The following KDM4C variants were observed in gnomAD, a reference collection of about 807,000 sequenced individuals.
KDM4C encodes lysine demethylase 4C, also known as lysine-specific demethylase 4C.
A neutral mutation model predicts 129.3 loss-of-function variants in KDM4C; 81 were observed. That is an observed-to-expected ratio of 0.63 (90% CI 0.52 to 0.75). KDM4C has a LOEUF of 0.75. KDM4C is among the 30% of genes least tolerant of loss of function. The pLI is 0.00. For synonymous variants in KDM4C, 573 were observed against 456.1 expected, an observed-to-expected ratio of 1.26 and a Z score of -3.26; for missense variants, 1,457 against 1,304.0, an observed-to-expected ratio of 1.12 and a Z score of -1.81.
chr9:6,788,777 T>C (rs1825961064), intron 1 of KDM4C, among the ~76,000 whole-genome samples: 1 of 152,114 alleles, frequency 6.6e-6, no homozygotes, highest in Admixed American at 6.6e-5. Flanking sequence ...ACTGCTATAA[T>C]GAACGCAGAG....
At chr9:6,991,147 C>G (rs925978774) in intron 12 of KDM4C, among the ~76,000 whole-genome samples, 2 of 152,054 alleles carry the variant, frequency 1.3e-5, no homozygotes, top group African/African-American at 4.8e-5. Context: ...AGGGTGATCA[C>G]GGCTCACTGC....
intron 15 of KDM4C, 137 bp downstream of exon 15, chr9:7,016,066 C>G (rs982534146): frequency 1.9e-6 from 1 of 514,292 alleles, no homozygotes; most frequent in African/African-American, 1.9e-5. Context: ...TTCTAGTCTT[C>G]CCTCTCAAAA....
chr9:7,147,284 T>G (rs922010336), intron 19 of KDM4C, among the ~76,000 whole-genome samples: 3 of 152,196 alleles, frequency 2.0e-5, no homozygotes, highest in Non-Finnish European at 2.9e-5. Context: ...TAGGTCAAGC[T>G]GTGCTCCCAG....
chr9:6,836,158 A>G (rs1353218317), intron 4 of KDM4C, among the ~76,000 whole-genome samples: 1 of 152,094 alleles, frequency 6.6e-6, no homozygotes, highest in Non-Finnish European at 1.5e-5. Flanking sequence ...AAAGTGCACA[A>G]CTTAAAAAAA....
chr9:7,122,696 G>T, intron 18 of KDM4C, among the ~76,000 whole-genome samples: 1 of 152,164 alleles, frequency 6.6e-6, no homozygotes, highest in African/African-American at 2.4e-5. Flanking sequence ...TGTCTGTAAC[G>T]TTTTTTTACT....
rs370646653 is a variant in KDM4C, at chr9:6,760,542, T to TTTTATTTA, written c.-18+2375_-18+2382dup. The stretch of plus-strand genomic sequence containing the variant: ...ATAGTTAGTCTTGGGTGATACTCTT[T>TTTTATTTA]TTTATTTATTTATTTATTTATTTAT... On this transcript the variant is annotated intron_variant, in intron 1 of 21. Coordinates refer to ENST00000381309, the MANE Select transcript of KDM4C (RefSeq NM_015061.6). Among the ~76,000 whole-genome samples the TTTTATTTA allele has an allele frequency of 6.1e-3, 878 of 143,926 alleles. 7 individuals carry two copies. The highest frequency in any genetic ancestry group is 0.029 in the Middle Eastern group (8 of 274). 94.4% of individuals were successfully genotyped at this position (143,926 alleles called of 152,430 possible). A position where few individuals can be genotyped will look rare whatever the true frequency, so the allele number is the denominator to read the frequency against.
chr9:6,774,182 C>G (rs1822516576), intron 1 of KDM4C, among the ~76,000 whole-genome samples: 1 of 152,080 alleles, frequency 6.6e-6, no homozygotes, highest in Admixed American at 6.6e-5. Context: ...GCCACCGTGC[C>G]TGGCCACCCT....
At chr9:6,968,313 C>T (rs1277842525) in intron 8 of KDM4C, among the ~76,000 whole-genome samples, 1 of 152,078 alleles carries the variant, frequency 6.6e-6, no homozygotes, top group South Asian at 2.1e-4. Flanking sequence ...CCTGTCTCTA[C>T]AAAAGTTATT....
At chr9:6,822,109 G>C (rs1283011869) in intron 4 of KDM4C, among the ~76,000 whole-genome samples, 1 of 152,120 alleles carries the variant, frequency 6.6e-6, no homozygotes, top group African/African-American at 2.4e-5. Flanking sequence ...CCAGCCTTTG[G>C]GTATATATTG....
In KDM4C at chr9:6,889,608, C is replaced by T. The variant is rs553349933; in HGVS notation, c.783+1545C>T. ...CTCTGGGCACCAGGCTTTTGTGAGTCTCAGACACATCATCATCCAGTGCTT... is the reference window on the plus strand; with the variant it reads ...CTCTGGGCACCAGGCTTTTGTGAGTTTCAGACACATCATCATCCAGTGCTT... On this transcript the variant is annotated intron_variant, in intron 7 of 21. Transcript: ENST00000381309. Among the ~76,000 whole-genome samples, 6 of 152,262 alleles carry T rather than the reference C, an allele frequency of 3.9e-5. No homozygotes were observed. The South Asian group carries it at 1.2e-3, about 32-fold the overall frequency.
chr9:7,064,306 A>T (rs768266325), intron 17 of KDM4C, among the ~76,000 whole-genome samples: 3 of 152,200 alleles, frequency 2.0e-5, no homozygotes, highest in Non-Finnish European at 2.9e-5. Context: ...GATTTATAAG[A>T]TTAAAGTAAA....
intron 2 of KDM4C, among the ~76,000 whole-genome samples, chr9:6,795,949 A>T (rs1022460884): frequency 1.3e-5 from 2 of 152,126 alleles, no homozygotes; most frequent in African/African-American, 4.8e-5. Flanking sequence ...TGGAATTATA[A>T]GCATCAGCCA....
intron 5 of KDM4C, among the ~76,000 whole-genome samples, chr9:6,865,230 G>A (rs181047862): frequency 2.2e-4 from 33 of 152,142 alleles, no homozygotes; most frequent in Non-Finnish European, 3.8e-4. Context: ...GGATGGTCTC[G>A]ATCTCCTGAC....
At chr9:6,851,862 A>G (rs1225767315) in intron 5 of KDM4C, among the ~76,000 whole-genome samples, 2 of 152,128 alleles carry the variant, frequency 1.3e-5, no homozygotes, top group Admixed American at 6.5e-5. Flanking sequence ...ATGAGTGAGA[A>G]TAATTATGCC....
intron 8 of KDM4C, among the ~76,000 whole-genome samples, chr9:6,966,405 C>T (rs1435794441): frequency 1.3e-5 from 2 of 152,150 alleles, no homozygotes; most frequent in African/African-American, 4.8e-5. Flanking sequence ...CTCCTGACCT[C>T]GTGATCCGCC....
At chr9:6,778,337 G>T (rs1449045854) in intron 1 of KDM4C, among the ~76,000 whole-genome samples, 1 of 150,512 alleles carries the variant, frequency 6.6e-6, no homozygotes, top group African/African-American at 2.4e-5. Context: ...TGATCCTCCC[G>T]CTTGGGCCTC....
At chr9:7,074,786 C>T (rs1833695082) in intron 17 of KDM4C, among the ~76,000 whole-genome samples, 1 of 152,246 alleles carries the variant, frequency 6.6e-6, no homozygotes, top group South Asian at 2.1e-4. Flanking sequence ...TAGGGTATCA[C>T]TAAGATAATG....
Position 6,849,628 on chromosome 9 carries a change from C to T in KDM4C, c.557C>T (p.Thr186Met), listed in dbSNP as rs200368449. ...CTCTATTTTGGCATGTGGAAGACCACGTTTGCATGGCACACCGAAGACATG... is the reference window on the plus strand; with the variant it reads ...CTCTATTTTGGCATGTGGAAGACCATGTTTGCATGGCACACCGAAGACATG... ...PYLYFGMWKT[T>M]FAWHTEDMDL... is the part of the protein sequence containing the mutation. The change falls in exon 5 of 22, where the codon ACG becomes ATG. Residue 186 changes from threonine (T) to methionine (M), a missense_variant. By Grantham distance (81) the Thr-to-Met change is moderately conservative (BLOSUM62 -1). Transcript: ENST00000381309. The T allele has an allele frequency of 1.3e-5, 21 of 1,613,722 alleles. No homozygotes were observed. The highest frequency in any genetic ancestry group is 1.6e-5 in the Non-Finnish European group (19 of 1,179,824).
At chr9:6,931,849 T>A (rs1430750865) in intron 8 of KDM4C, among the ~76,000 whole-genome samples, 1 of 152,244 alleles carries the variant, frequency 6.6e-6, no homozygotes, top group African/African-American at 2.4e-5. Context: ...AAATATTTAC[T>A]GTGGAGCTAT....
Sources: allele counts gnomAD v4.1 joint callset (sites outside exome capture counted in the v4.1 genomes callset), GRCh38; gene constraint gnomAD v4.1.1; transcripts MANE v1.5; gene names NCBI Gene and HGNC (gene_info 2026-07-23, HGNC 2026-07-21).